The following CDH2 variants were observed in gnomAD, a reference collection of about 807,000 sequenced individuals.
CDH2 encodes cadherin-2.
CDH2 carries 17 observed loss-of-function variants against 92.0 expected under a neutral mutation model. The observed-to-expected ratio is 0.18, with a 90% CI of 0.13 to 0.28. The LOEUF is 0.28. Among genes scored for constraint, CDH2 ranks in the 10% least tolerant of loss-of-function variants. CDH2 has a pLI of 1.00. For missense variants in CDH2, 862 were observed against 1,133.1 expected, an observed-to-expected ratio of 0.76 and a Z score of 3.44; for synonymous variants, 419 against 415.9, an observed-to-expected ratio of 1.01 and a Z score of -0.09.
chr18:27,978,832 T>C (rs1183020103), intron 14 of CDH2, among the ~76,000 whole-genome samples: 1 of 151,998 alleles, frequency 6.6e-6, no homozygotes, highest in African/African-American at 2.4e-5. Flanking sequence ...AACAATTTTT[T>C]TTTTTAAGAG....
chr18:28,007,594 A>G (rs1260973313), intron 5 of CDH2, among the ~76,000 whole-genome samples: 1 of 152,200 alleles, frequency 6.6e-6, no homozygotes, highest in Non-Finnish European at 1.5e-5. Flanking sequence ...CCCTTGGCTT[A>G]TTTAATATCT....
chr18:28,004,810 A>G (rs1420372729), intron 6 of CDH2, among the ~76,000 whole-genome samples: 1 of 152,136 alleles, frequency 6.6e-6, no homozygotes, highest in Non-Finnish European at 1.5e-5. Context: ...AACTTCCTGC[A>G]CAGCCCCTGG....
intron 2 of CDH2, among the ~76,000 whole-genome samples, chr18:28,041,972 CT>C (rs2013956205): frequency 6.6e-6 from 1 of 151,968 alleles, no homozygotes; most frequent in South Asian, 2.1e-4. Flanking sequence ...TTAATTTTTA[CT>C]ATGCCCACTG....
chr18:27,944,999 T>C (rs1043503768), intron 6 of CDH2, among the ~76,000 whole-genome samples: 4 of 152,134 alleles, frequency 2.6e-5, no homozygotes, highest in African/African-American at 9.7e-5. Context: ...GTTGTACCTA[T>C]CGTTAGCATA....
chr18:28,127,598 C>T (rs2015699155), intron 2 of CDH2, among the ~76,000 whole-genome samples: 1 of 152,078 alleles, frequency 6.6e-6, no homozygotes, highest in African/African-American at 2.4e-5. Context: ...TAACTGAGCA[C>T]CAAGGCTGAT....
At position 27,986,077 on chromosome 18, in the gene CDH2, C is replaced by T. The variant is rs565811706; in HGVS notation, c.1742-316G>A. ...CAGGGCTTGCGTAGACCATGCTCCTCCAGGCACTGTGAGGAGTGTTGGAGA... is the reference window on the plus strand; with the variant it reads ...CAGGGCTTGCGTAGACCATGCTCCTTCAGGCACTGTGAGGAGTGTTGGAGA... On this transcript the variant is annotated intron_variant, in intron 11 of 15. Coordinates refer to ENST00000269141, the MANE Select transcript of CDH2 (RefSeq NM_001792.5). Among the ~76,000 whole-genome samples the T allele has an allele frequency of 2.0e-5, 3 of 152,258 alleles. No individual in the cohort carries two copies. The East Asian group carries it at 5.8e-4, about 30-fold the overall frequency.
chr18:28,102,666 T>C (rs1026884064), intron 2 of CDH2, among the ~76,000 whole-genome samples: 2 of 152,144 alleles, frequency 1.3e-5, no homozygotes, highest in African/African-American at 2.4e-5. Context: ...AAATTAAATA[T>C]ACAAAATCCT....
At chr18:28,137,728 T>C (rs1172141776) in intron 2 of CDH2, among the ~76,000 whole-genome samples, 2 of 152,122 alleles carry the variant, frequency 1.3e-5, no homozygotes, top group Non-Finnish European at 2.9e-5. Flanking sequence ...CCTTAACAAC[T>C]ATAGATGTTC....
chr18:28,001,884 CACGA>C (rs2012778440), intron 7 of CDH2, among the ~76,000 whole-genome samples: 1 of 152,168 alleles, frequency 6.6e-6, no homozygotes, highest in Non-Finnish European at 1.5e-5. Context: ...TGTCAAAAAA[CACGA>C]ACTTCTAAAA....
At chr18:28,158,707 G>C (rs1249714983) in intron 1 of CDH2, among the ~76,000 whole-genome samples, 4 of 152,090 alleles carry the variant, frequency 2.6e-5, no homozygotes, top group Admixed American at 1.3e-4. Flanking sequence ...CAACATATTT[G>C]CCCTTTTCAC....
chr18:28,035,730 C>G (rs1415562749), intron 2 of CDH2, among the ~76,000 whole-genome samples: 1 of 152,008 alleles, frequency 6.6e-6, no homozygotes, highest in East Asian at 1.9e-4. Context: ...TAATGTTTTT[C>G]ATTGTATAAA....
At chr18:28,075,529 C>G (rs185309783) in intron 2 of CDH2, among the ~76,000 whole-genome samples, 2 of 152,272 alleles carry the variant, frequency 1.3e-5, no homozygotes, top group Admixed American at 1.3e-4. Context: ...GGGCAATGAT[C>G]TAGATATTGT....
At chr18:27,934,427 A>C (rs1188422940) in intron 6 of CDH2, among the ~76,000 whole-genome samples, 1 of 152,204 alleles carries the variant, frequency 6.6e-6, no homozygotes, top group African/African-American at 2.4e-5. Context: ...TTTCTCTATC[A>C]GAATCAGAGT....
At chr18:28,129,927 C>T (rs541923475) in intron 2 of CDH2, among the ~76,000 whole-genome samples, 16 of 152,194 alleles carry the variant, frequency 1.1e-4, no homozygotes, top group East Asian at 1.9e-4. Context: ...ATAAGAAAAG[C>T]GTTATTAGGC....
rs1480760588 is a variant in CDH2 at position 28,113,048 on chromosome 18, C to T, written c.172+34625G>A. On this transcript the variant is annotated intron_variant, in intron 2 of 15. Transcript: ENST00000269141. ...GTGGACTATGATGATAATAAATCTC[C>T]TTTCAATACAACTGATATTTATCAG... Among the ~76,000 whole-genome samples the T allele has an allele frequency of 2.6e-5, 4 of 152,104 alleles. No individual in the cohort carries two copies. The East Asian group carries it at 7.7e-4, about 29-fold the overall frequency.
At chr18:28,006,110 G>T (rs781095960) in intron 5 of CDH2, 117 bp from the exon 6 acceptor site, 2 of 771,548 alleles carry the variant, frequency 2.6e-6, no homozygotes, top group African/African-American at 3.5e-5. Flanking sequence ...AAACAAAAGC[G>T]GTTCTTCCCA....
chr18:27,979,805 A>AG (rs1441735673), intron 14 of CDH2, among the ~76,000 whole-genome samples: 1 of 152,178 alleles, frequency 6.6e-6, no homozygotes, highest in Admixed American at 6.5e-5. Flanking sequence ...CTTTGGACAG[A>AG]GGGCAAACCA....
intron 5 of CDH2, 104 bp from the exon 6 acceptor site, chr18:28,006,097 G>A (rs1320586661): frequency 3.3e-6 from 3 of 910,054 alleles, no homozygotes; most frequent in Non-Finnish European, 5.0e-6. Context: ...ACTCACAGCT[G>A]AAAAACAAAA....
At chr18:28,149,644 TAAG>T (rs928387371) in intron 1 of CDH2, among the ~76,000 whole-genome samples, 1 of 152,164 alleles carries the variant, frequency 6.6e-6, no homozygotes, top group African/African-American at 2.4e-5. Flanking sequence ...CATACTTATG[TAAG>T]AAGAAAAGGA....
Sources: allele counts gnomAD v4.1 joint callset (sites outside exome capture counted in the v4.1 genomes callset), GRCh38; gene constraint gnomAD v4.1.1; transcripts MANE v1.5; gene names NCBI Gene and HGNC (gene_info 2026-07-23, HGNC 2026-07-21).